CREG1: variants seen among roughly 807,000 people sequenced by gnomAD.
CREG1 encodes protein CREG1.
A neutral mutation model predicts 19.9 loss-of-function variants in CREG1; 20 were observed. That is an observed-to-expected ratio of 1.01 (90% CI 0.71 to 1.46). CREG1 has a LOEUF of 1.46. Ranked by LOEUF, CREG1 falls within the 40% of genes most tolerant of loss-of-function variation. The pLI, the probability that CREG1 is intolerant of heterozygous loss-of-function variation, is 0.00. For synonymous variants in CREG1, 141 were observed against 143.3 expected (o/e 0.98, Z 0.12); for missense variants, 290 against 314.9 (o/e 0.92, Z 0.60).
At position 167,553,507 on chromosome 1, in the gene CREG1, C is replaced by G; in HGVS notation, c.235G>C (p.Ala79Pro). 1 of 1,490,450 alleles carries G rather than the reference C, an allele frequency of 6.7e-7. No individual in the cohort carries two copies. Among genetic ancestry groups the G allele is most frequent in the Non-Finnish European group, 8.9e-7 (1 of 1,127,812 alleles). The allele number at this position is 1,490,450 out of a possible 1,614,324, so 92.3% of individuals were successfully genotyped here. Reference sequence around the variant, plus strand: ...TCGGCGAAGGGCCGGCCGCGCACCGCCTCCAGCGTGGAGATGGTGGCCAGA... The same window carrying G: ...TCGGCGAAGGGCCGGCCGCGCACCGGCTCCAGCGTGGAGATGGTGGCCAGA... Reference protein sequence around the residue: ...GALATISTLEAVRGRPFADVL... With the variant: ...GALATISTLEPVRGRPFADVL... Residue 79 changes from alanine to proline, a missense_variant, in exon 1 of 4, where the codon GCG (alanine) becomes CCG (proline). Coordinates refer to ENST00000370509, the MANE Select transcript of CREG1 (RefSeq NM_003851.3).
intron 1 of CREG1, among the ~76,000 whole-genome samples, chr1:167,550,434 AG>A (rs757411795): frequency 6.6e-6 from 1 of 152,194 alleles, no homozygotes; most frequent in Non-Finnish European, 1.5e-5. Context: ...TGGGGCAGAC[AG>A]GAAGACTATG....
chr1:167,548,582 G>C (rs1656369925), intron 1 of CREG1, among the ~76,000 whole-genome samples: 1 of 152,190 alleles, frequency 6.6e-6, no homozygotes, highest in African/African-American at 2.4e-5. Context: ...TCTTACATTA[G>C]CAGAAACTGT....
At chr1:167,552,613 G>C (rs1300782095) in intron 1 of CREG1, among the ~76,000 whole-genome samples, 1 of 152,204 alleles carries the variant, frequency 6.6e-6, no homozygotes, top group Non-Finnish European at 1.5e-5. Context: ...CATTGTAATC[G>C]TCCATGATAT....
rs1052701454 is a variant in CREG1 at position 167,542,145 on chromosome 1, C to T, written c.*153G>A. Reference sequence around the variant, plus strand: ...ATAACAGGTCAACTCTATTGGTAAACAAGCAAGTAAACAAGCAAGCAAACA... The same window carrying T: ...ATAACAGGTCAACTCTATTGGTAAATAAGCAAGTAAACAAGCAAGCAAACA... On this transcript the variant is annotated 3_prime_UTR_variant, in exon 4 of 4. Coordinates refer to ENST00000370509, the MANE Select transcript of CREG1 (RefSeq NM_003851.3). 4 of 605,064 alleles carry T rather than the reference C, an allele frequency of 6.6e-6. No homozygotes were observed. Among genetic ancestry groups the T allele is most frequent in the African/African-American group, 5.7e-5 (3 of 52,694 alleles). 37.5% of individuals were successfully genotyped at this position (605,064 alleles called of 1,614,324 possible).
In CREG1 at chr1:167,553,755, G is replaced by A. The variant is rs1656475499; in HGVS notation, c.-14C>T. ...TAGCCCGGCCATGGCGGTGTCTCCAGGAAGAGTCCCGGGCCCCAAGACCTG... is the reference window on the plus strand; with the variant it reads ...TAGCCCGGCCATGGCGGTGTCTCCAAGAAGAGTCCCGGGCCCCAAGACCTG... On this transcript the variant is annotated 5_prime_UTR_variant, in exon 1 of 4. Transcript: ENST00000370509. The A allele has an allele frequency of 4.8e-6, 6 of 1,248,232 alleles. No individual in the cohort carries two copies. Among genetic ancestry groups the A allele is most frequent in the Admixed American group, 4.2e-5 (1 of 23,694 alleles). 77.3% of individuals were successfully genotyped at this position (1,248,232 alleles called of 1,614,324 possible).
Position 167,545,320 on chromosome 1 carries a change from C to A in CREG1, c.659+781G>T, listed in dbSNP as rs750026850. Among the ~76,000 whole-genome samples the A allele has an allele frequency of 2.0e-5, 3 of 152,042 alleles. No homozygotes were observed. The East Asian group carries it at 5.8e-4, about 29-fold the overall frequency. On this transcript the variant is annotated intron_variant, in intron 3 of 3. Transcript: ENST00000370509. ...CCTGTAGACAGAGTTCAGGGGTCTG[C>A]GAACTTGGCTCAAAAAAATTTTTTT...
intron 2 of CREG1, among the ~76,000 whole-genome samples, chr1:167,547,220 T>C (rs1008044254): frequency 2.4e-4 from 37 of 152,380 alleles, no homozygotes; most frequent in African/African-American, 8.4e-4. Context: ...ATTTGACCTC[T>C]TCCCTTCAGC....
rs944002481 is a variant in CREG1, at chr1:167,553,602, G to A, written c.140C>T (p.Pro47Leu). 1.6e-5 allele frequency: 23 copies of A among 1,414,394 alleles called. No homozygotes were observed. In the Middle Eastern group the frequency reaches 7.4e-4, roughly 45 times the overall value. The allele number at this position is 1,414,394 out of a possible 1,614,324, so 87.6% of individuals were successfully genotyped here. A position where few individuals can be genotyped will look rare whatever the true frequency, so the allele number is the denominator to read the frequency against. The part of the protein sequence containing the change: ...HGDWDEASRL[P>L]PLPPREDAAR... Reference sequence around the variant, plus strand: ...CGCGTCCTCGCGGGGTGGTAGCGGCGGCAGCCGGGAGGCCTCGTCCCAGTC... The same window carrying A: ...CGCGTCCTCGCGGGGTGGTAGCGGCAGCAGCCGGGAGGCCTCGTCCCAGTC... The change falls in exon 1 of 4, where the codon CCG (proline) becomes CTG (leucine). Residue 47 changes from proline (P) to leucine (L), a missense_variant. Physicochemically the swap from Pro to Leu is moderately conservative, Grantham distance 98. Transcript: ENST00000370509.
At chr1:167,547,412 T>A (rs1022496002) in intron 2 of CREG1, among the ~76,000 whole-genome samples, 1 of 152,210 alleles carries the variant, frequency 6.6e-6, no homozygotes, top group African/African-American at 2.4e-5. Context: ...GTCAACCAGA[T>A]GCTCTTTAGT....
Position 167,553,647 on chromosome 1 carries a change from C to T in CREG1, c.95G>A (p.Arg32His). The part of the protein sequence containing the change: ...LALLVSPARG[R>H]GGRDHGDWDE... ...CCAGTCCCCGTGGTCCCGGCCGCCG[C>T]GACCCCGCGCGGGCGACACGAGCAG... The change falls in exon 1 of 4, where the codon CGC becomes CAC. Residue 32 changes from arginine (R) to histidine (H), a missense_variant. Arg to His is a conservative substitution (Grantham distance 29, BLOSUM62 0). Transcript: ENST00000370509. The T allele has an allele frequency of 7.5e-7, 1 of 1,339,702 alleles. No homozygotes were observed. 83.0% of individuals were successfully genotyped at this position (1,339,702 alleles called of 1,614,324 possible).
At position 167,542,154 on chromosome 1, in the gene CREG1, A is replaced by T; in HGVS notation, c.*144T>A. On this transcript the variant is annotated 3_prime_UTR_variant, in exon 4 of 4. Transcript: ENST00000370509. The stretch of plus-strand genomic sequence containing the variant: ...CAACTCTATTGGTAAACAAGCAAGT[A>T]AACAAGCAAGCAAACAAACCAGCAT... 2 of 646,786 alleles carry T rather than the reference A, an allele frequency of 3.1e-6. No homozygotes were observed. Among genetic ancestry groups the T allele is most frequent in the African/African-American group, 3.7e-5 (2 of 53,450 alleles). 40.1% of individuals were successfully genotyped at this position (646,786 alleles called of 1,614,324 possible). A position where few individuals can be genotyped will look rare whatever the true frequency, so the allele number is the denominator to read the frequency against.
chr1:167,542,047 G>C lies in CREG1; in HGVS notation c.*251C>G. ...ATGGGACAAAACTTATTTGATTATA[G>C]TGAAGGATATTTCTCTACGAAAATG... On this transcript the variant is annotated 3_prime_UTR_variant, in exon 4 of 4. Coordinates refer to ENST00000370509, the MANE Select transcript of CREG1 (RefSeq NM_003851.3). The C allele has an allele frequency of 2.6e-6, 1 of 382,536 alleles. No homozygotes were observed. Among genetic ancestry groups the C allele is most frequent in the Non-Finnish European group, 4.7e-6 (1 of 212,600 alleles). 23.7% of individuals were successfully genotyped at this position (382,536 alleles called of 1,614,324 possible).
intron 1 of CREG1, among the ~76,000 whole-genome samples, chr1:167,551,608 C>A (rs1382078663): frequency 6.6e-6 from 1 of 152,212 alleles, no homozygotes; most frequent in East Asian, 1.9e-4. Flanking sequence ...AGTCACCTCA[C>A]AAATTTAAAT....
intron 1 of CREG1, among the ~76,000 whole-genome samples, chr1:167,550,648 T>C (rs1394358087): frequency 2.0e-5 from 3 of 152,026 alleles, no homozygotes; most frequent in African/African-American, 7.2e-5. Context: ...ATGCAGAAGA[T>C]CAAAAGCAGC....
intron 2 of CREG1, 105 bp from the exon 3 acceptor site, chr1:167,546,390 TC>T: frequency 1.4e-6 from 1 of 737,702 alleles, no homozygotes; most frequent in Non-Finnish European, 2.1e-6. Context: ...ACGCCTGTAA[TC>T]CCAGCACTTT....
intron 1 of CREG1, among the ~76,000 whole-genome samples, chr1:167,550,634 A>T (rs1476225484): frequency 6.6e-6 from 1 of 152,220 alleles, no homozygotes; most frequent in African/African-American, 2.4e-5. Flanking sequence ...TTCCACTAAC[A>T]GAAATGCAGA....
At chr1:167,548,805 A>C (rs1483313862) in intron 1 of CREG1, among the ~76,000 whole-genome samples, 2 of 152,246 alleles carry the variant, frequency 1.3e-5, no homozygotes, top group Non-Finnish European at 2.9e-5. Context: ...TGTGTGGAGA[A>C]TTTTGCCATT....
chr1:167,550,040 A>G (rs1571627211), intron 1 of CREG1, among the ~76,000 whole-genome samples: 1 of 152,262 alleles, frequency 6.6e-6, no homozygotes, highest in East Asian at 1.9e-4. Context: ...CCCAGGCTGG[A>G]GTGCAATGGC....
chr1:167,553,240 A>T, intron 1 of CREG1, 148 bp downstream of exon 1: 1 of 615,316 alleles, frequency 1.6e-6, no homozygotes. Context: ...GGACGCTGCA[A>T]CGCCCACCTA....
Sources: gnomAD v4.1 joint callset for allele counts (sites outside exome capture counted in the v4.1 genomes callset) on GRCh38, gnomAD v4.1.1 for gene constraint, MANE v1.5 for transcripts, NCBI Gene and HGNC (gene_info 2026-07-23, HGNC 2026-07-21) for gene names.